The following ZBED6 variants were observed in gnomAD, a reference collection of about 807,000 sequenced individuals.
ZBED6 encodes zinc finger BED domain-containing protein 6.
Under a neutral mutation model 58.4 loss-of-function variants are expected in ZBED6, and 40 were observed. The observed-to-expected ratio is 0.68, with a 90% CI of 0.53 to 0.89. ZBED6 has a LOEUF of 0.89. ZBED6 is among the 40% of genes least tolerant of loss of function. ZBED6 has a pLI of 0.00. For missense variants in ZBED6, 1,057 were observed against 1,003.9 expected (o/e 1.05, Z -0.71); for synonymous variants, 439 against 350.6 (o/e 1.25, Z -2.82).
chr1:203,829,598 G>A, exon 5 of ZBED6: 1 of 1,614,144 alleles, frequency 6.2e-7, no homozygotes, highest in African/African-American at 1.3e-5. Context: ...AATGTTCCTA[G>A]CCCCACGCAT....
chr1:203,833,241 G>A (rs954549068), intron 8 of ZBED6, among the ~76,000 whole-genome samples: 3 of 151,978 alleles, frequency 2.0e-5, no homozygotes, highest in Non-Finnish European at 2.9e-5. Context: ...GGTGGTGCAC[G>A]CCTGTAATCC....
intron 3 of ZBED6, among the ~76,000 whole-genome samples, chr1:203,821,871 T>C (rs1209114265): frequency 6.6e-6 from 1 of 151,990 alleles, no homozygotes; most frequent in Non-Finnish European, 1.5e-5. Flanking sequence ...CATTCTCCTG[T>C]TTCAGTCTCC....
rs968835784 is a variant in ZBED6, at chr1:203,799,020, G to A, written c.1498G>A (p.Val500Ile). The A allele has an allele frequency of 5.2e-6, 8 of 1,535,996 alleles. No homozygotes were observed. In the African/African-American group the frequency reaches 8.2e-5, roughly 16 times the overall value. The change falls in exon 1 of 17, where the codon GTA becomes ATA. Residue 500 changes from valine to isoleucine, a missense_variant. Physicochemically the swap from Val to Ile is conservative, Grantham distance 29. Coordinates refer to ENST00000550078, the Ensembl canonical transcript of ZBED6. ...ATCCACTGACTATTTTATTGTGACT[G>A]TACACTGGGTTTCTTTGGAAACTGC...
chr1:203,825,889 GT>G (rs772214254), intron 3 of ZBED6, among the ~76,000 whole-genome samples: 1 of 152,002 alleles, frequency 6.6e-6, no homozygotes, highest in African/African-American at 2.4e-5. Context: ...CATTTTCCAA[GT>G]TGTCTTCGTT....
rs538351180 is a variant in ZBED6, at chr1:203,843,093, G to A, written c.*3741+2719G>A. 4.6e-4 allele frequency among the ~76,000 whole-genome samples: 70 copies of A among 152,278 alleles called. 1 individual carries two copies. The South Asian group carries it at 0.013, about 28-fold the overall frequency. ...TAGCATCATAAAAAGGGAGTCCGAT[G>A]TTGGACATTCTTATTCTGTTGTATG... On this transcript the variant is annotated intron_variant, in intron 11 of 16. Coordinates refer to ENST00000550078, the Ensembl canonical transcript of ZBED6.
intron 7 of ZBED6, among the ~76,000 whole-genome samples, 156 bp from the exon 8 acceptor site, chr1:203,831,505 T>C (rs138979836): frequency 4.4e-4 from 67 of 152,344 alleles, no homozygotes; most frequent in Non-Finnish European, 7.3e-4. Context: ...CACTACTCCA[T>C]TTGACTGTAG....
Position 203,818,692 on chromosome 1 carries a change from A to C in ZBED6, c.*2873+3A>C. 1 of 1,614,076 alleles carries C rather than the reference A, an allele frequency of 6.2e-7. No individual in the cohort carries two copies. Among genetic ancestry groups the C allele is most frequent in the Non-Finnish European group, 8.5e-7 (1 of 1,179,998 alleles). ...GGTTTCGGCACATGGAGATTGATGT[A>C]AGTTTTTTATTTCCGTTATCATAAT... On this transcript the variant is annotated splice_donor_region_variant and intron_variant, in intron 3 of 16. Coordinates refer to ENST00000550078, the Ensembl canonical transcript of ZBED6.
chr1:203,830,029 TC>T, intron 6 of ZBED6, 93 bp from the exon 7 acceptor site: 1 of 1,318,222 alleles, frequency 7.6e-7, no homozygotes, highest in Non-Finnish European at 1.1e-6. Flanking sequence ...TTTCTGTTGA[TC>T]ATTTATTCAA....
intron 1 of ZBED6, among the ~76,000 whole-genome samples, chr1:203,808,791 G>A (rs576544138): frequency 7.2e-5 from 11 of 151,866 alleles, no homozygotes; most frequent in Non-Finnish European, 1.6e-4. Flanking sequence ...CGTCGTCATC[G>A]CCATCTTCTT....
intron 16 of ZBED6, among the ~76,000 whole-genome samples, chr1:203,851,815 TA>T (rs111499575): frequency 0.18 from 26,914 of 147,136 alleles, 2,540 homozygotes; most frequent in Middle Eastern, 0.26. Flanking sequence ...ATCAAAGAAA[TA>T]AAAAAAAAAT....
exon 6 of ZBED6, chr1:203,829,838 A>G: frequency 1.2e-6 from 2 of 1,614,192 alleles, no homozygotes; most frequent in Non-Finnish European, 1.7e-6. Context: ...CAACTCCTGA[A>G]GTTCACAATG....
chr1:203,796,423 A>C, exon 1 of ZBED6: 6 of 399,094 alleles, frequency 1.5e-5, no homozygotes, highest in Non-Finnish European at 2.2e-5. Flanking sequence ...AGTCAAGAGC[A>C]ACAGGGACAC....
chr1:203,817,900 C>T (rs11577532), intron 2 of ZBED6, among the ~76,000 whole-genome samples: 26,751 of 151,956 alleles, frequency 0.18, 2,645 homozygotes, highest in Middle Eastern at 0.25. Flanking sequence ...TTTCTGGCGC[C>T]TGCCACCACA....
exon 12 of ZBED6, chr1:203,847,281 C>T (rs1300233089): frequency 2.5e-6 from 4 of 1,613,708 alleles, no homozygotes; most frequent in South Asian, 2.2e-5. Flanking sequence ...AAACTAAACT[C>T]AAGACAGAAG....
intron 3 of ZBED6, among the ~76,000 whole-genome samples, chr1:203,827,388 G>A: frequency 6.8e-6 from 1 of 146,268 alleles, no homozygotes; most frequent in Non-Finnish European, 1.5e-5. Context: ...CTTTATAAAA[G>A]TAAGGTGACT....
exon 1 of ZBED6, chr1:203,797,724 T>G: frequency 6.5e-7 from 1 of 1,535,220 alleles, no homozygotes; most frequent in Non-Finnish European, 8.7e-7. Context: ...AAAGAAGGGT[T>G]TGCGAATTAA....
At chr1:203,804,217 T>A (rs1671442083) in intron 1 of ZBED6, among the ~76,000 whole-genome samples, 1 of 150,786 alleles carries the variant, frequency 6.6e-6, no homozygotes, top group African/African-American at 2.4e-5. Context: ...AGTGGCGTGA[T>A]CTCGATTCAC....
chr1:203,803,285 A>C (rs373845345), intron 1 of ZBED6, among the ~76,000 whole-genome samples: 1 of 151,820 alleles, frequency 6.6e-6, no homozygotes, highest in Admixed American at 6.6e-5. Flanking sequence ...TCCTCCTCCC[A>C]GGTTCAAGCA....
chr1:203,829,292 C>T (rs1681510942), intron 4 of ZBED6, 159 bp from the exon 5 acceptor site: 1 of 702,548 alleles, frequency 1.4e-6, no homozygotes, highest in Admixed American at 2.8e-5. Context: ...GGTAAAAGCA[C>T]ATCTTTTCCC....
Sources: allele counts gnomAD v4.1 joint callset (sites outside exome capture counted in the v4.1 genomes callset), GRCh38; gene constraint gnomAD v4.1.1; transcripts MANE v1.5; gene names NCBI Gene and HGNC (gene_info 2026-07-23, HGNC 2026-07-21).